SYTL3: variants seen among roughly 807,000 people sequenced by gnomAD.
SYTL3 encodes the protein synaptotagmin like 3.
A neutral mutation model predicts 82.1 loss-of-function variants in SYTL3; 88 were observed. The observed-to-expected ratio is 1.07, with a 90% CI of 0.90 to 1.28. The LOEUF is 1.28. SYTL3 is among the 50% of genes most tolerant of loss of function. SYTL3 has a pLI of 0.00. For missense variants in SYTL3, 831 were observed against 757.6 expected (o/e 1.10, Z -1.14); for synonymous variants, 311 against 289.4 (o/e 1.07, Z -0.76).
intron 5 of SYTL3, among the ~76,000 whole-genome samples, chr6:158,671,840 A>G (rs1382662075): frequency 6.6e-6 from 1 of 151,922 alleles, no homozygotes; most frequent in Non-Finnish European, 1.5e-5. Context: ...TCTTTCCATA[A>G]TTATTTTTGT....
intron 6 of SYTL3, among the ~76,000 whole-genome samples, chr6:158,698,666 G>A (rs1326163200): frequency 6.0e-5 from 9 of 151,036 alleles, no homozygotes; most frequent in Admixed American, 3.3e-4. Context: ...GGCACAGGTC[G>A]GACACTGCAC....
rs1454331277 is a variant in SYTL3 at position 158,676,939 on chromosome 6, C to T, written c.330-5986C>T. Among the ~76,000 whole-genome samples, 5 of 152,204 alleles carry T rather than the reference C, an allele frequency of 3.3e-5. No individual in the cohort carries two copies. In the East Asian group the frequency reaches 9.6e-4, roughly 29 times the overall value. On this transcript the variant is annotated intron_variant, in intron 5 of 17. Transcript: ENST00000611299. ...TGGAGAGGATGTGGAGAAATAGGAA[C>T]ACTTTTACACTGTTGGTGGGACTGT... is the stretch of plus-strand genomic sequence containing the variant.
At chr6:158,656,474 C>G (rs1740212462) in intron 2 of SYTL3, among the ~76,000 whole-genome samples, 1 of 152,158 alleles carries the variant, frequency 6.6e-6, no homozygotes, top group South Asian at 2.1e-4. Flanking sequence ...GCCTGTAATC[C>G]CAGCACTTTG....
At chr6:158,725,420 G>T in intron 10 of SYTL3, 83 bp from the exon 11 acceptor site, 1 of 1,491,716 alleles carries the variant, frequency 6.7e-7, no homozygotes. Flanking sequence ...TCAAGTCATA[G>T]ATGCTTGCTG....
intron 6 of SYTL3, 65 bp from the exon 7 acceptor site, chr6:158,707,165 C>T (rs1005166660): frequency 1.4e-6 from 2 of 1,457,998 alleles, no homozygotes; most frequent in Admixed American, 1.7e-5. Flanking sequence ...TCTACTATTT[C>T]CTGTATTTAC....
At chr6:158,723,895 T>C (rs1229461943) in intron 10 of SYTL3, among the ~76,000 whole-genome samples, 2 of 152,124 alleles carry the variant, frequency 1.3e-5, no homozygotes, top group Admixed American at 6.5e-5. Context: ...ACATCCCCTA[T>C]GTGTTTGTGA....
intron 11 of SYTL3, among the ~76,000 whole-genome samples, chr6:158,732,250 G>A (rs1785498153): frequency 6.6e-6 from 1 of 152,108 alleles, no homozygotes; most frequent in Non-Finnish European, 1.5e-5. Flanking sequence ...CCTTCTAGTT[G>A]TCAATCTCCT....
intron 8 of SYTL3, among the ~76,000 whole-genome samples, chr6:158,713,356 C>G (rs1330236050): frequency 6.6e-6 from 1 of 152,072 alleles, no homozygotes; most frequent in African/African-American, 2.4e-5. Flanking sequence ...GCCTGGTCAC[C>G]TTGTGGCTTT....
intron 2 of SYTL3, among the ~76,000 whole-genome samples, chr6:158,657,642 C>T (rs1024973262): frequency 6.6e-6 from 1 of 152,036 alleles, no homozygotes; most frequent in African/African-American, 2.4e-5. Context: ...ATAATATGTA[C>T]TTGTATATGT....
chr6:158,734,094 CAAA>C (rs560547617), intron 11 of SYTL3, among the ~76,000 whole-genome samples: 6 of 74,542 alleles, frequency 8.0e-5, no homozygotes, highest in African/African-American at 3.3e-4. Context: ...GACCCTGTCT[CAAA>C]AAAAAAAAAA....
intron 6 of SYTL3, among the ~76,000 whole-genome samples, chr6:158,704,444 A>C (rs1781734869): frequency 6.6e-6 from 1 of 152,214 alleles, no homozygotes; most frequent in African/African-American, 2.4e-5. Context: ...GGGATTTGCG[A>C]CCCGGGCCGA....
At chr6:158,654,625 G>A (rs567246559) in intron 2 of SYTL3, among the ~76,000 whole-genome samples, 2 of 152,280 alleles carry the variant, frequency 1.3e-5, no homozygotes, top group African/African-American at 4.8e-5. Flanking sequence ...GTTGCTCTAG[G>A]GCTGTGCCTG....
rs148139806 is a variant in SYTL3 at position 158,716,819 on chromosome 6, G to A, written c.596-1268G>A. ...GTCCATTGCAGTGGCCTCTAACCAC[G>A]TGTTGCTCTTGAGCCCCTGAAATAG... On this transcript the variant is annotated intron_variant, in intron 9 of 17. Coordinates refer to ENST00000611299, the MANE Select transcript of SYTL3 (RefSeq NM_001242394.2). 4.1e-3 allele frequency among the ~76,000 whole-genome samples: 622 copies of A among 152,324 alleles called. 1 individual carries two copies. Among genetic ancestry groups the A allele is most frequent in the Non-Finnish European group, 5.5e-3 (371 of 68,036 alleles).
In SYTL3 at chr6:158,655,986, G is replaced by T. The variant is rs1310389452; in HGVS notation, c.-637+4144G>T. ...CAGGGAATGGTCTTGAATGAGGTCA[G>T]TATGGGAGTGGCGAGCATTCTGTGG... On this transcript the variant is annotated intron_variant, in intron 2 of 17. Coordinates refer to ENST00000611299, the MANE Select transcript of SYTL3 (RefSeq NM_001242394.2). Among the ~76,000 whole-genome samples the T allele has an allele frequency of 2.0e-5, 3 of 152,346 alleles. No homozygotes were observed. In the East Asian group the frequency reaches 5.8e-4, roughly 29 times the overall value.
At chr6:158,666,055 C>T (rs1790014814) in intron 5 of SYTL3, among the ~76,000 whole-genome samples, 1 of 152,058 alleles carries the variant, frequency 6.6e-6, no homozygotes, top group Non-Finnish European at 1.5e-5. Flanking sequence ...GATTGTACCA[C>T]TGCACTCCAG....
chr6:158,753,687 G>A (rs1224835103), intron 13 of SYTL3, among the ~76,000 whole-genome samples: 2 of 142,054 alleles, frequency 1.4e-5, no homozygotes, highest in African/African-American at 2.7e-5. Context: ...CCGAGATAGC[G>A]CCACTACACT....
chr6:158,756,946 G>A (rs1789187936), intron 13 of SYTL3, among the ~76,000 whole-genome samples: 1 of 151,516 alleles, frequency 6.6e-6, no homozygotes, highest in Non-Finnish European at 1.5e-5. Flanking sequence ...CTGTCCCCAG[G>A]CAGAGCACTG....
intron 11 of SYTL3, chr6:158,725,927 C>T (rs914191006): frequency 2.9e-6 from 2 of 680,824 alleles, no homozygotes; most frequent in South Asian, 2.8e-5. Context: ...CATTCTGCAA[C>T]TCGCGTAAAC....
Position 158,663,267 on chromosome 6 carries a change from A to AT in SYTL3, c.-2_-1insT, listed in dbSNP as rs780328906. ...ACCTGGGTCAACGAAAACGGAGAAG[A>AT]AATGGCCCAAGAAATAGATCTGAGT... On this transcript the variant is annotated 5_prime_UTR_variant, in exon 4 of 18. Transcript: ENST00000611299. 27 of 1,614,078 alleles carry AT rather than the reference A, an allele frequency of 1.7e-5. No individual in the cohort carries two copies. In the South Asian group the frequency reaches 2.7e-4, roughly 16 times the overall value.
Sources: allele counts gnomAD v4.1 joint callset (sites outside exome capture counted in the v4.1 genomes callset), GRCh38; gene constraint gnomAD v4.1.1; transcripts MANE v1.5; gene names NCBI Gene and HGNC (gene_info 2026-07-23, HGNC 2026-07-21).